The following ZRANB3 variants were observed in gnomAD, a reference collection of about 807,000 sequenced individuals.
The protein encoded by ZRANB3 is DNA annealing helicase and endonuclease ZRANB3.
In ZRANB3, 125 loss-of-function variants were observed where a neutral mutation model predicts 133.8. The ratio of observed to expected loss-of-function variants is 0.93; its 90% CI spans 0.81 to 1.08. The LOEUF (loss-of-function observed/expected upper bound fraction) is 1.08. Ranked by LOEUF, ZRANB3 falls within the 50% of genes least tolerant of loss-of-function variation. ZRANB3 has a pLI of 0.00. For synonymous variants in ZRANB3, 387 were observed against 432.7 expected (o/e 0.89, Z 1.31); for missense variants, 1,229 against 1,275.5 (o/e 0.96, Z 0.56).
At chr2:135,504,192 G>A in intron 2 of ZRANB3, 137 bp downstream of exon 2, 1 of 986,566 alleles carries the variant, frequency 1.0e-6, no homozygotes, top group Non-Finnish European at 1.6e-6. Context: ...ATAGTAAATG[G>A]ATAAAGCTAA....
intron 2 of ZRANB3, among the ~76,000 whole-genome samples, chr2:135,425,387 T>G (rs963985565): frequency 1.3e-5 from 2 of 152,206 alleles, no homozygotes; most frequent in African/African-American, 4.8e-5. Context: ...TTTACCCAAG[T>G]AGAAGTTAGT....
intron 19 of ZRANB3, among the ~76,000 whole-genome samples, chr2:135,203,314 T>C (rs1367081080): frequency 1.3e-5 from 2 of 149,110 alleles, no homozygotes; most frequent in Non-Finnish European, 2.9e-5. Flanking sequence ...AGAATAAGAA[T>C]AGATTAGAAA....
intron 8 of ZRANB3, among the ~76,000 whole-genome samples, chr2:135,288,166 C>T (rs1402483477): frequency 6.6e-6 from 1 of 152,048 alleles, no homozygotes; most frequent in African/African-American, 2.4e-5. Context: ...TTGTCAAATG[C>T]CTTTTCTGCA....
At chr2:135,317,346 C>CA (rs952183819) in intron 6 of ZRANB3, among the ~76,000 whole-genome samples, 1 of 151,828 alleles carries the variant, frequency 6.6e-6, no homozygotes, top group African/African-American at 2.4e-5. Context: ...CACACGGTCA[C>CA]AAAAAAAATC....
rs138099014 is a variant in ZRANB3 at position 135,354,456 on chromosome 2, T to A, written c.181-828A>T. Among the ~76,000 whole-genome samples the A allele has an allele frequency of 3.2e-3, 492 of 152,316 alleles. 2 individuals carry two copies. The highest frequency in any genetic ancestry group is 0.01 in the Middle Eastern group (3 of 294). ...ATGCCTGACTTCTAAGCTGTTCCAATTTAAAAAGTAGTCACTTAGTGAATA... is the reference window on the plus strand; with the variant it reads ...ATGCCTGACTTCTAAGCTGTTCCAAATTAAAAAGTAGTCACTTAGTGAATA... On this transcript the variant is annotated intron_variant, in intron 3 of 20. Coordinates refer to ENST00000264159, the MANE Select transcript of ZRANB3 (RefSeq NM_032143.4).
At chr2:135,391,537 A>C (rs912915121) in intron 2 of ZRANB3, among the ~76,000 whole-genome samples, 25 of 152,106 alleles carry the variant, frequency 1.6e-4, no homozygotes, top group Admixed American at 2.6e-4. Flanking sequence ...TAAATACATA[A>C]CTATATATGC....
chr2:135,237,906 C>T (rs904541181), intron 12 of ZRANB3, among the ~76,000 whole-genome samples: 5 of 152,030 alleles, frequency 3.3e-5, no homozygotes, highest in Non-Finnish European at 7.4e-5. Flanking sequence ...CAAATCTGCA[C>T]GTTGTGCACA....
intron 3 of ZRANB3, among the ~76,000 whole-genome samples, chr2:135,371,643 G>A (rs1041712310): frequency 6.6e-6 from 1 of 152,138 alleles, no homozygotes; most frequent in East Asian, 1.9e-4. Flanking sequence ...CTCTGCTAGT[G>A]GTCAAGATAA....
chr2:135,375,576 T>G (rs972368058), intron 3 of ZRANB3, among the ~76,000 whole-genome samples: 3 of 152,074 alleles, frequency 2.0e-5, no homozygotes, highest in Admixed American at 6.5e-5. Context: ...TCCCAGCTAC[T>G]TGGGAGGCTG....
intron 8 of ZRANB3, among the ~76,000 whole-genome samples, chr2:135,303,793 T>G (rs946608179): frequency 2.0e-5 from 3 of 152,222 alleles, no homozygotes; most frequent in Non-Finnish European, 2.9e-5. Context: ...AATCTATCTG[T>G]TGTTTATTTA....
intron 8 of ZRANB3, among the ~76,000 whole-genome samples, chr2:135,290,868 T>A (rs1014968316): frequency 6.6e-6 from 1 of 152,208 alleles, no homozygotes; most frequent in African/African-American, 2.4e-5. Context: ...GATGGTTTCC[T>A]TGATTATTCC....
At chr2:135,526,945 G>A (rs562953294) in intron 1 of ZRANB3, among the ~76,000 whole-genome samples, 7 of 152,286 alleles carry the variant, frequency 4.6e-5, no homozygotes, top group East Asian at 3.9e-4. Flanking sequence ...TTGTCAACCA[G>A]AAAATGTTTA....
intron 2 of ZRANB3, among the ~76,000 whole-genome samples, chr2:135,466,382 CAAAAAA>C (rs553890734): frequency 1.8e-4 from 5 of 28,214 alleles, no homozygotes; most frequent in Non-Finnish European, 5.3e-4. Context: ...GACTCCGTCA[CAAAAAA>C]AAAAAAAAAA....
At chr2:135,398,685 A>ATT (rs571208392) in intron 2 of ZRANB3, among the ~76,000 whole-genome samples, 6 of 142,288 alleles carry the variant, frequency 4.2e-5, no homozygotes, top group Admixed American at 7.0e-5. Flanking sequence ...TGCCCAGCTA[A>ATT]TTTTTTTTTT....
At chr2:135,414,408 C>G (rs542298683) in intron 2 of ZRANB3, among the ~76,000 whole-genome samples, 3 of 152,266 alleles carry the variant, frequency 2.0e-5, no homozygotes, top group African/African-American at 4.8e-5. Context: ...AGCTAACTAT[C>G]CTAAATATAT....
At chr2:135,347,655 T>C (rs1360280811) in intron 5 of ZRANB3, among the ~76,000 whole-genome samples, 1 of 152,220 alleles carries the variant, frequency 6.6e-6, no homozygotes, top group African/African-American at 2.4e-5. Flanking sequence ...AAGTAACTCC[T>C]AAATTTTTCT....
intron 8 of ZRANB3, among the ~76,000 whole-genome samples, chr2:135,283,074 C>G (rs1179970994): frequency 2.0e-5 from 3 of 150,788 alleles, no homozygotes; most frequent in Non-Finnish European, 4.4e-5. Flanking sequence ...TGCTCAAGCC[C>G]AGGAGTTTGA....
intron 8 of ZRANB3, among the ~76,000 whole-genome samples, chr2:135,294,647 T>C (rs887492573): frequency 1.7e-4 from 26 of 152,314 alleles, no homozygotes; most frequent in African/African-American, 6.0e-4. Context: ...AGCTTTTGAA[T>C]GTGTTTGCTC....
intron 3 of ZRANB3, among the ~76,000 whole-genome samples, chr2:135,372,121 T>C (rs904497441): frequency 1.4e-5 from 2 of 147,094 alleles, no homozygotes; most frequent in African/African-American, 5.1e-5. Flanking sequence ...TGAGCCAAGA[T>C]GGTGCCACTG....
Sources: allele counts gnomAD v4.1 joint callset (sites outside exome capture counted in the v4.1 genomes callset), GRCh38; gene constraint gnomAD v4.1.1; transcripts MANE v1.5; gene names NCBI Gene and HGNC (gene_info 2026-07-23, HGNC 2026-07-21).